The following GALNT13 variants were observed in gnomAD, a reference collection of about 807,000 sequenced individuals.
GALNT13 encodes the protein polypeptide N-acetylgalactosaminyltransferase 13.
Under a neutral mutation model 64.2 loss-of-function variants are expected in GALNT13, and 28 were observed. That is an observed-to-expected ratio of 0.44 (90% CI 0.32 to 0.60). The LOEUF is 0.60. Among genes scored for constraint, GALNT13 ranks in the 20% least tolerant of loss-of-function variants. The pLI is 0.05. For missense variants in GALNT13, 577 were observed against 669.8 expected, an observed-to-expected ratio of 0.86 and a Z score of 1.53; for synonymous variants, 214 against 224.6, an observed-to-expected ratio of 0.95 and a Z score of 0.42.
At chr2:154,180,888 A>G (rs1222516828) in intron 4 of GALNT13, among the ~76,000 whole-genome samples, 1 of 152,230 alleles carries the variant, frequency 6.6e-6, no homozygotes, top group East Asian at 1.9e-4. Flanking sequence ...CTTGAACAAC[A>G]TGAGTTTGAA....
intron 3 of GALNT13, among the ~76,000 whole-genome samples, chr2:154,013,989 A>C (rs930094865): frequency 6.6e-6 from 1 of 152,172 alleles, no homozygotes; most frequent in African/African-American, 2.4e-5. Context: ...CTGGTTAGGC[A>C]TTTGATGCTG....
chr2:154,039,491 A>C lies in GALNT13; in HGVS notation c.142+94852A>C, dbSNP rs182565593. 5.0e-5 allele frequency among the ~76,000 whole-genome samples: 7 copies of C among 140,532 alleles called. No individual in the cohort carries two copies. The East Asian group carries it at 1.4e-3, about 28-fold the overall frequency. 92.2% of individuals were successfully genotyped at this position (140,532 alleles called of 152,430 possible). ...GAGTGAACCTGGAAGACCTTATGTT[A>C]AATTAAATGAATCAGGCACAAAAAG... is the stretch of plus-strand genomic sequence containing the variant. On this transcript the variant is annotated intron_variant, in intron 3 of 12. Coordinates refer to ENST00000392825, the MANE Select transcript of GALNT13 (RefSeq NM_052917.4).
chr2:153,762,878 GTTTATA>G, the GALNT13 span, among the ~76,000 whole-genome samples: 1 of 151,022 alleles, frequency 6.6e-6, no homozygotes, highest in Non-Finnish European at 1.5e-5. Flanking sequence ...GTAGTGAATT[GTTTATA>G]TTTATATTTT....
chr2:153,278,428 T>C, the GALNT13 span, among the ~76,000 whole-genome samples: 1 of 152,150 alleles, frequency 6.6e-6, no homozygotes, highest in Non-Finnish European at 1.5e-5. Context: ...AATTCTTTTC[T>C]AAGGCCAATG....
chr2:154,266,630 T>G (rs999246408), intron 8 of GALNT13, among the ~76,000 whole-genome samples: 3 of 152,094 alleles, frequency 2.0e-5, no homozygotes, highest in East Asian at 1.9e-4. Flanking sequence ...TAAATACTAT[T>G]ATTTATTAAT....
At chr2:154,006,741 A>G (rs1696278775) in intron 3 of GALNT13, among the ~76,000 whole-genome samples, 1 of 152,184 alleles carries the variant, frequency 6.6e-6, no homozygotes. Flanking sequence ...CCAGGCTAAG[A>G]AGCCGGAAGA....
intron 3 of GALNT13, among the ~76,000 whole-genome samples, chr2:154,059,723 C>T (rs1022788833): frequency 1.6e-5 from 1 of 63,660 alleles, no homozygotes; most frequent in Admixed American, 1.1e-4. Context: ...AAAAATATTT[C>T]CAGTATGTTA....
chr2:153,667,017 T>C, the GALNT13 span, among the ~76,000 whole-genome samples: 1 of 152,020 alleles, frequency 6.6e-6, no homozygotes, highest in African/African-American at 2.4e-5. Context: ...TAGCAGAATA[T>C]ACCAGGCAGG....
At chr2:153,390,118 A>G in the GALNT13 span, among the ~76,000 whole-genome samples, 2 of 152,284 alleles carry the variant, frequency 1.3e-5, no homozygotes, top group East Asian at 3.9e-4. Flanking sequence ...ACACCGTGGA[A>G]TACTATGCAG....
At chr2:153,601,455 T>C in the GALNT13 span, among the ~76,000 whole-genome samples, 1 of 151,822 alleles carries the variant, frequency 6.6e-6, no homozygotes, top group Non-Finnish European at 1.5e-5. Flanking sequence ...ATATTTTTCC[T>C]TGAGGAGAGA....
intron 3 of GALNT13, among the ~76,000 whole-genome samples, chr2:153,989,002 G>A (rs1694991330): frequency 6.6e-6 from 1 of 151,826 alleles, no homozygotes; most frequent in Admixed American, 6.6e-5. Flanking sequence ...TCTCAGCCAT[G>A]CCACATGCTT....
chr2:153,839,583 A>G, the GALNT13 span, among the ~76,000 whole-genome samples: 82 of 151,988 alleles, frequency 5.4e-4, no homozygotes, highest in Admixed American at 6.6e-5. Flanking sequence ...TATATATTCC[A>G]TAAGAAAAAA....
chr2:153,398,101 T>G, the GALNT13 span, among the ~76,000 whole-genome samples: 1 of 118,884 alleles, frequency 8.4e-6, no homozygotes, highest in African/African-American at 3.2e-5. Flanking sequence ...GTCCCCAGAG[T>G]GTGATATTCC....
the GALNT13 span, among the ~76,000 whole-genome samples, chr2:153,607,684 T>C: frequency 2.0e-5 from 3 of 152,272 alleles, no homozygotes; most frequent in East Asian, 3.9e-4. Context: ...ATTGAATCTA[T>C]GTGTTTACTT....
At chr2:153,462,763 C>A in the GALNT13 span, among the ~76,000 whole-genome samples, 2 of 152,020 alleles carry the variant, frequency 1.3e-5, no homozygotes, top group Non-Finnish European at 2.9e-5. Context: ...ACTTGTCTTG[C>A]AATAAGAAAA....
At chr2:154,255,844 G>T (rs1447174508) in intron 7 of GALNT13, among the ~76,000 whole-genome samples, 2 of 151,968 alleles carry the variant, frequency 1.3e-5, no homozygotes, top group African/African-American at 4.8e-5. Context: ...TTGAGCCCAG[G>T]AGTTCAAGAT....
At chr2:154,183,946 A>G (rs1355276297) in intron 4 of GALNT13, among the ~76,000 whole-genome samples, 2 of 152,016 alleles carry the variant, frequency 1.3e-5, no homozygotes, top group Non-Finnish European at 2.9e-5. Context: ...TATTCTTAAT[A>G]TAGACATTAA....
chr2:153,531,844 C>T, the GALNT13 span, among the ~76,000 whole-genome samples: 1 of 152,184 alleles, frequency 6.6e-6, no homozygotes, highest in African/African-American at 2.4e-5. Context: ...GCAGGACAGT[C>T]ATTAAATCTT....
intron 3 of GALNT13, among the ~76,000 whole-genome samples, chr2:154,029,723 C>T (rs1698220479): frequency 6.6e-6 from 1 of 152,108 alleles, no homozygotes; most frequent in Non-Finnish European, 1.5e-5. Context: ...TTTATAAAAG[C>T]AAAGATATGA....
Sources: allele counts gnomAD v4.1 joint callset (sites outside exome capture counted in the v4.1 genomes callset), GRCh38; gene constraint gnomAD v4.1.1; transcripts MANE v1.5; gene names NCBI Gene and HGNC (gene_info 2026-07-23, HGNC 2026-07-21).